SLC9A9: variants seen among roughly 807,000 people sequenced by gnomAD.
SLC9A9 encodes the protein sodium/hydrogen exchanger 9.
Under a neutral mutation model 77.8 loss-of-function variants are expected in SLC9A9, and 62 were observed. The observed-to-expected ratio is 0.80, with a 90% CI of 0.65 to 0.98. SLC9A9 has a LOEUF of 0.98. Among genes scored for constraint, SLC9A9 ranks in the 50% least tolerant of loss-of-function variants. The pLI is 0.00. For synonymous variants in SLC9A9, 320 were observed against 283.5 expected (o/e 1.13, Z -1.29); for missense variants, 775 against 774.9 (o/e 1.00, Z 0.00).
intron 8 of SLC9A9, among the ~76,000 whole-genome samples, chr3:143,563,316 T>C (rs2037117732): frequency 6.6e-6 from 1 of 152,212 alleles, no homozygotes; most frequent in Admixed American, 6.5e-5. Flanking sequence ...CTGTTCTCCA[T>C]GACTTCCACT....
intron 14 of SLC9A9, among the ~76,000 whole-genome samples, chr3:143,347,551 G>T (rs1391810975): frequency 5.9e-5 from 9 of 152,158 alleles, no homozygotes; most frequent in African/African-American, 2.2e-4. Flanking sequence ...AAAGCACAGG[G>T]TAAGGAAAGG....
At chr3:143,407,163 T>C (rs2033998994) in intron 12 of SLC9A9, among the ~76,000 whole-genome samples, 1 of 152,206 alleles carries the variant, frequency 6.6e-6, no homozygotes, top group South Asian at 2.1e-4. Context: ...ATTCTCTTTG[T>C]AGTCTACTTT....
chr3:143,452,883 C>T (rs1379202994), intron 12 of SLC9A9, among the ~76,000 whole-genome samples: 2 of 151,922 alleles, frequency 1.3e-5, no homozygotes, highest in Admixed American at 6.6e-5. Context: ...TGTCCTCATT[C>T]TTAGAAGATG....
At chr3:143,494,537 C>A (rs144498006) in intron 10 of SLC9A9, among the ~76,000 whole-genome samples, 20 of 152,316 alleles carry the variant, frequency 1.3e-4, no homozygotes, top group African/African-American at 4.6e-4. Context: ...TTAATTGGAA[C>A]ACAGTTTATA....
At chr3:143,699,111 T>C (rs1933723437) in intron 4 of SLC9A9, among the ~76,000 whole-genome samples, 1 of 152,240 alleles carries the variant, frequency 6.6e-6, no homozygotes, top group Admixed American at 6.5e-5. Context: ...TAAACTGTGC[T>C]AGGCTGGAGA....
In SLC9A9 at chr3:143,403,766, T is replaced by G. The variant is rs942758642; in HGVS notation, c.1470-21652A>C. Among the ~76,000 whole-genome samples the G allele has an allele frequency of 3.3e-5, 5 of 152,356 alleles. No homozygotes were observed. The East Asian group carries it at 9.6e-4, about 29-fold the overall frequency. ...CTTATTGCACCCAAGATTTTCACTT[T>G]GTCTTTCAACACTTTGAGTATAATG... On this transcript the variant is annotated intron_variant, in intron 12 of 15. Coordinates refer to ENST00000316549, the MANE Select transcript of SLC9A9 (RefSeq NM_173653.4).
intron 12 of SLC9A9, among the ~76,000 whole-genome samples, chr3:143,445,027 C>T (rs149537492): frequency 6.6e-6 from 1 of 152,298 alleles, no homozygotes; most frequent in Non-Finnish European, 1.5e-5. Context: ...TTTTCCTCTG[C>T]TGTGATCTTC....
chr3:143,786,364 T>C (rs560013693), intron 4 of SLC9A9, among the ~76,000 whole-genome samples: 53 of 152,360 alleles, frequency 3.5e-4, no homozygotes, highest in African/African-American at 1.2e-3. Context: ...GGAGTTAGTA[T>C]TTGTTCCCCT....
chr3:143,347,265 T>G (rs2032310820), intron 14 of SLC9A9, among the ~76,000 whole-genome samples: 1 of 152,156 alleles, frequency 6.6e-6, no homozygotes, highest in Non-Finnish European at 1.5e-5. Context: ...ACCAATTACT[T>G]AGGGCTTTAA....
At chr3:143,483,655 C>T (rs838644) in intron 11 of SLC9A9, among the ~76,000 whole-genome samples, 33,335 of 152,014 alleles carry the variant, frequency 0.22, 4,790 homozygotes, top group Non-Finnish European at 0.33. Context: ...GACAGGGCCA[C>T]GTGAAAGGGA....
chr3:143,275,282 C>G (rs1308436342), intron 14 of SLC9A9, among the ~76,000 whole-genome samples: 1 of 152,146 alleles, frequency 6.6e-6, no homozygotes, highest in Admixed American at 6.5e-5. Flanking sequence ...ACATGCTTCC[C>G]CCTGCCCCCA....
chr3:143,393,285 G>A (rs2033617099), intron 12 of SLC9A9, among the ~76,000 whole-genome samples: 1 of 152,164 alleles, frequency 6.6e-6, no homozygotes, highest in Admixed American at 6.5e-5. Context: ...TAGAACTCAG[G>A]ATTAAGAAAC....
chr3:143,313,560 G>A (rs1045661324), intron 14 of SLC9A9, among the ~76,000 whole-genome samples: 1 of 152,106 alleles, frequency 6.6e-6, no homozygotes, highest in African/African-American at 2.4e-5. Context: ...ATTTCTTTAT[G>A]ATCCCTTGCC....
At chr3:143,833,654 T>C (rs1011271273) in intron 1 of SLC9A9, among the ~76,000 whole-genome samples, 3 of 152,066 alleles carry the variant, frequency 2.0e-5, no homozygotes, top group African/African-American at 7.2e-5. Context: ...TAGACCAGGA[T>C]CTACGCTCTC....
At chr3:143,344,024 A>G (rs1277860879) in intron 14 of SLC9A9, among the ~76,000 whole-genome samples, 1 of 152,242 alleles carries the variant, frequency 6.6e-6, no homozygotes, top group East Asian at 1.9e-4. Context: ...AACAGCAGGG[A>G]GAAGAATCAT....
intron 4 of SLC9A9, among the ~76,000 whole-genome samples, chr3:143,711,010 T>A (rs909151990): frequency 1.3e-5 from 2 of 152,222 alleles, no homozygotes; most frequent in Non-Finnish European, 2.9e-5. Context: ...AATTAGGATG[T>A]TACACTATTT....
At chr3:143,612,631 A>G (rs1010492773) in intron 6 of SLC9A9, among the ~76,000 whole-genome samples, 10 of 152,190 alleles carry the variant, frequency 6.6e-5, no homozygotes, top group Non-Finnish European at 1.5e-4. Context: ...GTATCCCTTT[A>G]TTTATAGCAA....
chr3:143,457,937 A>G (rs568857907), intron 12 of SLC9A9, among the ~76,000 whole-genome samples: 24 of 152,136 alleles, frequency 1.6e-4, no homozygotes, highest in Non-Finnish European at 1.8e-4. Flanking sequence ...TGTTCTATAA[A>G]TGTCAATTAA....
chr3:143,802,285 T>G (rs2108864357), intron 2 of SLC9A9, among the ~76,000 whole-genome samples: 1 of 152,306 alleles, frequency 6.6e-6, no homozygotes, highest in East Asian at 1.9e-4. Context: ...GCCCGCCTCT[T>G]AGAATCTCTA....
Sources: gnomAD v4.1 joint callset for allele counts (sites outside exome capture counted in the v4.1 genomes callset) on GRCh38, gnomAD v4.1.1 for gene constraint, MANE v1.5 for transcripts, NCBI Gene and HGNC (gene_info 2026-07-23, HGNC 2026-07-21) for gene names.